The following GDPD4 variants were observed in gnomAD, a reference collection of about 807,000 sequenced individuals.
The protein encoded by GDPD4 is glycerophosphodiester phosphodiesterase 6.
GDPD4 carries 60 observed loss-of-function variants against 67.8 expected under a neutral mutation model. The ratio of observed to expected loss-of-function variants is 0.88; its 90% CI spans 0.72 to 1.10. The LOEUF (loss-of-function observed/expected upper bound fraction) is 1.10. Among genes scored for constraint, GDPD4 ranks in the 50% least tolerant of loss-of-function variants. The pLI is 0.00. For synonymous variants in GDPD4, 212 were observed against 210.9 expected (o/e 1.00, Z -0.04); for missense variants, 623 against 613.9 (o/e 1.01, Z -0.16).
intron 16 of GDPD4, among the ~76,000 whole-genome samples, chr11:77,217,772 G>A (rs1958152341): frequency 6.6e-6 from 1 of 152,144 alleles, no homozygotes; most frequent in African/African-American, 2.4e-5. Context: ...AAATTAGATG[G>A]TAGATACTTC....
chr11:77,289,753 G>T (rs1484021462), intron 1 of GDPD4, among the ~76,000 whole-genome samples: 2 of 145,320 alleles, frequency 1.4e-5, no homozygotes, highest in South Asian at 4.5e-4. Flanking sequence ...AGGCAGGCAG[G>T]CAGGGAAGGA....
At chr11:77,229,506 G>T (rs1958413537) in intron 14 of GDPD4, among the ~76,000 whole-genome samples, 1 of 152,194 alleles carries the variant, frequency 6.6e-6, no homozygotes, top group Admixed American at 6.5e-5. Context: ...AGGGCAGAGG[G>T]GGTCCCAGAG....
At chr11:77,217,953 A>G (rs1453761224) in intron 16 of GDPD4, among the ~76,000 whole-genome samples, 1 of 152,174 alleles carries the variant, frequency 6.6e-6, no homozygotes, top group African/African-American at 2.4e-5. Context: ...CCCAGAACTC[A>G]GGTTTTGTTT....
intron 1 of GDPD4, among the ~76,000 whole-genome samples, chr11:77,293,154 A>G (rs765601277): frequency 6.6e-6 from 1 of 152,240 alleles, no homozygotes; most frequent in Non-Finnish European, 1.5e-5. Flanking sequence ...GTATCCTGAC[A>G]CCAAAACCAG....
intron 16 of GDPD4, among the ~76,000 whole-genome samples, chr11:77,222,256 C>T (rs1958241672): frequency 6.6e-6 from 1 of 152,174 alleles, no homozygotes; most frequent in Non-Finnish European, 1.5e-5. Context: ...GAATTTAATG[C>T]TGTCATTATG....
At chr11:77,234,485 C>A (rs1200890424) in intron 13 of GDPD4, among the ~76,000 whole-genome samples, 4 of 152,142 alleles carry the variant, frequency 2.6e-5, no homozygotes, top group African/African-American at 4.8e-5. Context: ...TTTTCCAACC[C>A]TTTCCCCTGT....
rs769517754 is a variant in GDPD4, at chr11:77,279,351, A to G, written c.102T>C (p.Ile34=). ...TGYWFFWSIF[I]LSLARILTAY... is the part of the protein sequence containing the mutation. ...CAGTCAGGATCCTAGCTAAACTCAG[A>G]ATAAAAATAGACCAGAAAAACCAGT... is the stretch of plus-strand genomic sequence containing the variant. The change falls in exon 4 of 17, where the codon ATT becomes ATC. Residue 34 remains isoleucine, a synonymous_variant. Coordinates refer to ENST00000315938, the MANE Select transcript of GDPD4 (RefSeq NM_182833.3). 7 of 1,613,208 alleles carry G rather than the reference A, an allele frequency of 4.3e-6. No individual in the cohort carries two copies. The highest frequency in any genetic ancestry group is 5.9e-6 in the Non-Finnish European group (7 of 1,179,230).
chr11:77,226,102 G>A (rs1191125230), intron 16 of GDPD4, among the ~76,000 whole-genome samples: 2 of 152,260 alleles, frequency 1.3e-5, no homozygotes, highest in East Asian at 3.9e-4. Context: ...TAGCATAGTA[G>A]TGGGTAGGGT....
chr11:77,225,300 CAAA>C lies in GDPD4; in HGVS notation c.1525+2561_1525+2563del, dbSNP rs34996619. Among the ~76,000 whole-genome samples the C allele has an allele frequency of 7.6e-3, 919 of 120,580 alleles. 10 individuals are homozygous for C. The highest frequency in any genetic ancestry group is 0.028 in the African/African-American group (874 of 30,994). 79.1% of individuals were successfully genotyped at this position (120,580 alleles called of 152,430 possible). ...TGGGCAACAGAGCAAGACTCTGTCT[CAAA>C]AAAAAAAAAAAAGTCTCAGTAACCT... On this transcript the variant is annotated intron_variant, in intron 16 of 16. Transcript: ENST00000315938.
At chr11:77,291,719 T>G (rs1333702030) in intron 1 of GDPD4, among the ~76,000 whole-genome samples, 2 of 152,190 alleles carry the variant, frequency 1.3e-5, no homozygotes, top group African/African-American at 4.8e-5. Context: ...CATTTACATA[T>G]TTGAGAGTTA....
At chr11:77,217,743 TTC>T (rs1050278609) in intron 16 of GDPD4, among the ~76,000 whole-genome samples, 38 of 152,226 alleles carry the variant, frequency 2.5e-4, no homozygotes, top group African/African-American at 8.4e-4. Context: ...AATAAACAAT[TTC>T]TGTCCAACAG....
chr11:77,270,002 C>A, intron 7 of GDPD4, 42 bp from the exon 8 acceptor site: 2 of 963,352 alleles, frequency 2.1e-6, no homozygotes, highest in South Asian at 1.5e-5. Flanking sequence ...TCATTATTGT[C>A]CCCTTTAAGC....
At chr11:77,230,619 G>C (rs1395503506) in intron 14 of GDPD4, among the ~76,000 whole-genome samples, 2 of 152,168 alleles carry the variant, frequency 1.3e-5, no homozygotes, top group Non-Finnish European at 2.9e-5. Flanking sequence ...AGAGAACATA[G>C]AACTCGATCA....
At chr11:77,220,466 GTGGTTTT>G (rs1446024389) in intron 16 of GDPD4, among the ~76,000 whole-genome samples, 4 of 152,190 alleles carry the variant, frequency 2.6e-5, no homozygotes, top group Admixed American at 6.5e-5. Context: ...AGATAATCAC[GTGGTTTT>G]TGTCATTGAT....
chr11:77,286,095 C>T (rs1959981425), intron 2 of GDPD4, among the ~76,000 whole-genome samples: 1 of 151,874 alleles, frequency 6.6e-6, no homozygotes, highest in Admixed American at 6.6e-5. Context: ...GCTTCTTTTC[C>T]CCTCACTTCT....
intron 13 of GDPD4, among the ~76,000 whole-genome samples, chr11:77,237,601 C>T (rs1452131714): frequency 6.6e-6 from 1 of 152,154 alleles, no homozygotes; most frequent in Non-Finnish European, 1.5e-5. Flanking sequence ...TGAAAGTACA[C>T]AGGTTTGTTC....
rs1008390270 is a variant in GDPD4 at position 77,229,166 on chromosome 11, TGG to T, written c.1454_1455del (p.Ala485AspfsTer11). The stretch of plus-strand genomic sequence containing the variant: ...TATACTTACCAGTGAAAACAAAATA[TGG>T]CAACAATAAAAAGCACAGAAATGAT... ...ADIISVLFIV[A>X]IFCFHWRRET... On this transcript the variant is annotated frameshift_variant, in exon 15 of 17. Coordinates refer to ENST00000315938, the MANE Select transcript of GDPD4 (RefSeq NM_182833.3). LOFTEE classifies it high-confidence loss of function. 1 of 1,592,556 alleles carries T rather than the reference TGG, an allele frequency of 6.3e-7. No homozygotes were observed. The highest frequency in any genetic ancestry group is 1.3e-5 in the African/African-American group (1 of 74,320).
At chr11:77,233,958 G>C (rs1332968730) in intron 13 of GDPD4, among the ~76,000 whole-genome samples, 1 of 152,184 alleles carries the variant, frequency 6.6e-6, no homozygotes, top group Non-Finnish European at 1.5e-5. Context: ...TAGAGACAGG[G>C]AGAAAATAAG....
intron 1 of GDPD4, among the ~76,000 whole-genome samples, chr11:77,298,075 C>T (rs758480169): frequency 6.6e-6 from 1 of 151,566 alleles, no homozygotes; most frequent in South Asian, 2.1e-4. Context: ...TAAAGACTAC[C>T]TACAGTTTTT....
Sources: allele counts gnomAD v4.1 joint callset (sites outside exome capture counted in the v4.1 genomes callset), GRCh38; gene constraint gnomAD v4.1.1; transcripts MANE v1.5; gene names NCBI Gene and HGNC (gene_info 2026-07-23, HGNC 2026-07-21).